Variants in ABCC5 observed in about 807,000 individuals in gnomAD.
ABCC5 encodes the protein ATP binding cassette subfamily C member 5, also known as ATP-binding cassette sub-family C member 5.
In ABCC5, 61 loss-of-function variants were observed where a neutral mutation model predicts 160.9. The observed-to-expected ratio is 0.38, with a 90% confidence interval of 0.31 to 0.47. The LOEUF (loss-of-function observed/expected upper bound fraction) is 0.47, where lower values mean the gene tolerates loss of function less well. Among genes scored for constraint, ABCC5 ranks in the 20% least tolerant of loss-of-function variants. ABCC5 has a pLI of 0.99. For missense variants in ABCC5, 1,308 were observed against 1,813.3 expected (o/e 0.72, Z 5.06); for synonymous variants, 666 against 700.6 (o/e 0.95, Z 0.78).
chr3:183,953,032 G>A, intron 18 of ABCC5, 54 bp downstream of exon 18: 1 of 1,527,730 alleles, frequency 6.5e-7, no homozygotes, highest in Non-Finnish European at 8.9e-7. Context: ...AGGGAATAGG[G>A]AGAAACGGCC....
Position 183,987,704 on chromosome 3 carries a change from TAA to T in ABCC5, c.591+64_591+65del, listed in dbSNP as rs762091819. 1.1e-5 allele frequency: 18 copies of T among 1,606,108 alleles called. No individual in the cohort carries two copies. Among genetic ancestry groups the T allele is most frequent in the Middle Eastern group, 1.6e-4 (1 of 6,078 alleles). On this transcript the variant is annotated intron_variant, in intron 5 of 29. Transcript: ENST00000334444. The surrounding 1 kb of genome is among the most constrained non-coding windows in gnomAD (Gnocchi z 4.2). ...GCTGAGCACAACCTCTGCAACAGAA[TAA>T]GAGTGTTAGAGCTGGCCGTGGCCGG... is the stretch of plus-strand genomic sequence containing the variant.
Position 184,008,329 on chromosome 3 carries a change from T to C in ABCC5, c.129+5935A>G, listed in dbSNP as rs191816341. Among the ~76,000 whole-genome samples the C allele has an allele frequency of 3.3e-5, 5 of 152,158 alleles. No homozygotes were observed. The East Asian group carries it at 9.6e-4, about 29-fold the overall frequency. On this transcript the variant is annotated intron_variant, in intron 2 of 29. Coordinates refer to ENST00000334444, the MANE Select transcript of ABCC5 (RefSeq NM_005688.4). ...TATGATCTACATGTGCATATATAAA[T>C]AGGATTAAAAAAAGGAACCATGCCT... is the stretch of plus-strand genomic sequence containing the variant.
chr3:183,983,936 C>G (rs1036227433), intron 5 of ABCC5: 12 of 985,296 alleles, frequency 1.2e-5, no homozygotes, highest in African/African-American at 3.5e-5. Context: ...TTTAACGACA[C>G]ACAGTAGAAA....
intron 2 of ABCC5, among the ~76,000 whole-genome samples, chr3:183,992,457 C>T (rs1390765419): frequency 6.6e-6 from 1 of 152,192 alleles, no homozygotes; most frequent in African/African-American, 2.4e-5. Context: ...TGCAATACAT[C>T]AACATCTCTG....
At chr3:183,994,855 GT>G (rs71632005) in intron 2 of ABCC5, among the ~76,000 whole-genome samples, 1,259 of 109,676 alleles carry the variant, frequency 0.011, 10 homozygotes, top group African/African-American at 0.028. Context: ...CATTTTCTAT[GT>G]TTTTTTTTTT....
At chr3:184,006,614 A>T (rs1437086436) in intron 2 of ABCC5, among the ~76,000 whole-genome samples, 1 of 152,228 alleles carries the variant, frequency 6.6e-6, no homozygotes, top group Non-Finnish European at 1.5e-5. Context: ...TAGAGGAATT[A>T]AGGGTGGTTA....
At chr3:183,993,956 T>G (rs1260312898) in intron 2 of ABCC5, among the ~76,000 whole-genome samples, 4 of 150,610 alleles carry the variant, frequency 2.7e-5, no homozygotes, top group African/African-American at 9.8e-5. Flanking sequence ...GGAATGGAGA[T>G]CTCACTTTTT....
At chr3:183,953,549 G>A (rs1450347831) in intron 17 of ABCC5, among the ~76,000 whole-genome samples, 1 of 152,124 alleles carries the variant, frequency 6.6e-6, no homozygotes, top group East Asian at 1.9e-4. Context: ...GGTAGGACAG[G>A]CAGATCAATA....
At chr3:183,956,360 G>T (rs78411961) in intron 17 of ABCC5, among the ~76,000 whole-genome samples, 2 of 147,536 alleles carry the variant, frequency 1.4e-5, no homozygotes, top group South Asian at 2.2e-4. Context: ...ATATCACATC[G>T]GTTACATGCA....
intron 28 of ABCC5, among the ~76,000 whole-genome samples, chr3:183,926,410 C>T (rs1303645388): frequency 6.6e-6 from 1 of 151,124 alleles, no homozygotes; most frequent in East Asian, 2.0e-4. Context: ...ATTAGCCGGG[C>T]GTGGTGACGC....
chr3:183,936,802 C>T (rs947356120), intron 26 of ABCC5, among the ~76,000 whole-genome samples: 3 of 152,194 alleles, frequency 2.0e-5, no homozygotes, highest in Admixed American at 2.0e-4. Context: ...GCCACCGTGC[C>T]AGGCCAGAAT....
rs990089865 is a variant in ABCC5, at chr3:183,949,450, C to G, written c.3227+303G>C. Among the ~76,000 whole-genome samples, 4 of 152,212 alleles carry G rather than the reference C, an allele frequency of 2.6e-5. No individual in the cohort carries two copies. The highest frequency in any genetic ancestry group is 9.6e-5 in the African/African-American group (4 of 41,466). On this transcript the variant is annotated intron_variant, in intron 22 of 29. Coordinates refer to ENST00000334444, the MANE Select transcript of ABCC5 (RefSeq NM_005688.4). This position sits in a 1 kb window ranked among gnomAD's most constrained non-coding sequence, Gnocchi z 4.2. ...TTTTGAGATGGGGTCCACTATATTGCCCAGGCTGGACTTGAACACCTGGGC... is the reference window on the plus strand; with the variant it reads ...TTTTGAGATGGGGTCCACTATATTGGCCAGGCTGGACTTGAACACCTGGGC...
chr3:183,957,490 G>A (rs546710898), intron 17 of ABCC5, among the ~76,000 whole-genome samples: 24 of 138,912 alleles, frequency 1.7e-4, no homozygotes, highest in African/African-American at 3.5e-4. Context: ...AGTTACATGC[G>A]GATCCGTGTG....
At chr3:183,998,394 C>T (rs959824389) in intron 2 of ABCC5, among the ~76,000 whole-genome samples, 2 of 152,138 alleles carry the variant, frequency 1.3e-5, no homozygotes, top group East Asian at 1.9e-4. Context: ...AATCTCACGA[C>T]TAGTATGCAT....
chr3:183,926,040 A>G (rs1430146784), intron 28 of ABCC5, among the ~76,000 whole-genome samples: 60 of 148,206 alleles, frequency 4.0e-4, no homozygotes, highest in Non-Finnish European at 6.5e-4. Flanking sequence ...GGGTTTCACC[A>G]TGTTAGCCAG....
Position 183,925,621 on chromosome 3 carries a change from C to T in ABCC5, c.4146G>A (p.Leu1382=). Residue 1382 remains leucine, a synonymous_variant, in exon 29 of 30, where the codon CTG becomes CTA. Transcript: ENST00000334444. ...IREAFADCTM[L]TIAHRLHTVL... is the part of the protein sequence containing the mutation. ...CCGTGTGCAGGCGATGGGCAATGGTCAGCATGGTACAGTCTGCAAATGCTT... is the reference window on the plus strand; with the variant it reads ...CCGTGTGCAGGCGATGGGCAATGGTTAGCATGGTACAGTCTGCAAATGCTT... The T allele has an allele frequency of 6.2e-7, 1 of 1,613,958 alleles. No homozygotes were observed. The highest frequency in any genetic ancestry group is 1.3e-5 in the African/African-American group (1 of 74,946).
intron 7 of ABCC5, 62 bp from the exon 8 acceptor site, chr3:183,981,936 C>T: frequency 1.3e-6 from 2 of 1,541,308 alleles, no homozygotes; most frequent in South Asian, 2.5e-5. Context: ...ACTACCTAAT[C>T]TGCTTAAGGT....
At chr3:183,965,864 G>T (rs1329831119) in intron 12 of ABCC5, among the ~76,000 whole-genome samples, 1 of 152,112 alleles carries the variant, frequency 6.6e-6, no homozygotes, top group Non-Finnish European at 1.5e-5. Flanking sequence ...GCCTCAACAT[G>T]GGGGCAGGCC....
Position 183,959,724 on chromosome 3 carries a change from G to A in ABCC5, c.2482+9C>T, listed in dbSNP as rs1716550541. ...TGACAAATCTAAAAATTTCAAAAAA[G>A]GCCATTACCTTCCTCTGGCTTTACT... is the stretch of plus-strand genomic sequence containing the variant. On this transcript the variant is annotated intron_variant, in intron 17 of 29. Coordinates refer to ENST00000334444, the MANE Select transcript of ABCC5 (RefSeq NM_005688.4). 1.3e-6 allele frequency: 2 copies of A among 1,589,950 alleles called. No individual in the cohort carries two copies. Among genetic ancestry groups the A allele is most frequent in the African/African-American group, 1.4e-5 (1 of 73,600 alleles).
Sources: gnomAD v4.1 joint callset for allele counts (sites outside exome capture counted in the v4.1 genomes callset) on GRCh38, gnomAD v4.1.1 for gene constraint, Gnocchi (gnomAD v3.1) non-coding constraint, MANE v1.5 for transcripts, NCBI Gene and HGNC (gene_info 2026-07-23, HGNC 2026-07-21) for gene names.